The following MEF2D variants were observed in gnomAD, a reference collection of about 807,000 sequenced individuals.
MEF2D encodes myocyte enhancer factor 2D.
A neutral mutation model predicts 59.3 loss-of-function variants in MEF2D; 10 were observed. That is an observed-to-expected ratio of 0.17 (90% CI 0.10 to 0.29). The LOEUF is 0.29. Among genes scored for constraint, MEF2D ranks in the 10% least tolerant of loss-of-function variants. The pLI is 1.00. For synonymous variants in MEF2D, 305 were observed against 295.0 expected (o/e 1.03, Z -0.35); for missense variants, 508 against 699.4 (o/e 0.73, Z 3.09).
At chr1:156,470,427 A>AG (rs1394506969) in intron 9 of MEF2D, among the ~76,000 whole-genome samples, 1 of 151,860 alleles carries the variant, frequency 6.6e-6, no homozygotes, top group African/African-American at 2.4e-5. Context: ...TCAAAAAAAA[A>AG]AAAAAGAAAG....
At chr1:156,493,618 G>A (rs1351893687) in intron 1 of MEF2D, among the ~76,000 whole-genome samples, 2 of 152,198 alleles carry the variant, frequency 1.3e-5, no homozygotes, top group Non-Finnish European at 2.9e-5. Flanking sequence ...GCAGATACAT[G>A]TCGCCAAATC....
chr1:156,479,846 T>C (rs1179665838), intron 4 of MEF2D, 50 bp from the exon 5 acceptor site: 1 of 1,516,086 alleles, frequency 6.6e-7, no homozygotes, highest in Admixed American at 2.1e-5. Context: ...ACCCCTTCCA[T>C]GGAGTCCACT....
rs925855275 is a variant in MEF2D at position 156,466,302 on chromosome 1, A to AC, written c.*1342_*1343insG. On this transcript the variant is annotated 3_prime_UTR_variant, in exon 12 of 12. Transcript: ENST00000348159. Reference sequence around the variant, plus strand: ...ATTTCATATCAATACAACAACAACAAAAAAAAACAGTTTCCTGGACTGTTA... The same window carrying AC: ...ATTTCATATCAATACAACAACAACAACAAAAAAACAGTTTCCTGGACTGTTA... 15 of 152,494 alleles carry AC rather than the reference A, an allele frequency of 9.8e-5. No homozygotes were observed. The highest frequency in any genetic ancestry group is 3.1e-4 in the African/African-American group (13 of 41,282). 9.4% of individuals were successfully genotyped at this position (152,494 alleles called of 1,614,324 possible).
At chr1:156,479,971 A>G (rs1671885837) in intron 4 of MEF2D, among the ~76,000 whole-genome samples, 175 bp from the exon 5 acceptor site, 1 of 152,098 alleles carries the variant, frequency 6.6e-6, no homozygotes, top group African/African-American at 2.4e-5. Flanking sequence ...AGTCCCACCA[A>G]GGAAGAACTT....
intron 9 of MEF2D, among the ~76,000 whole-genome samples, chr1:156,472,526 A>AG (rs1410203086): frequency 6.6e-6 from 1 of 152,178 alleles, no homozygotes; most frequent in Non-Finnish European, 1.5e-5. Flanking sequence ...TCCTACACAG[A>AG]GGGCTGGGTT....
At chr1:156,478,567 G>C (rs1671772963) in intron 6 of MEF2D, among the ~76,000 whole-genome samples, 1 of 152,122 alleles carries the variant, frequency 6.6e-6, no homozygotes, top group Admixed American at 6.5e-5. Flanking sequence ...TTTCGCTCCT[G>C]TTGCCCGGGC....
chr1:156,482,905 G>A (rs1465608929), intron 2 of MEF2D, among the ~76,000 whole-genome samples: 1 of 152,234 alleles, frequency 6.6e-6, no homozygotes, highest in Admixed American at 6.5e-5. Context: ...TGTGCTGGAG[G>A]CTATGAAGAG....
intron 1 of MEF2D, among the ~76,000 whole-genome samples, chr1:156,487,272 C>T (rs1469824534): frequency 6.6e-6 from 1 of 152,206 alleles, no homozygotes; most frequent in Admixed American, 6.5e-5. Context: ...CATCGTCTGA[C>T]AGAGAGAAGT....
intron 1 of MEF2D, among the ~76,000 whole-genome samples, chr1:156,485,394 G>T (rs1672287711): frequency 6.6e-6 from 1 of 152,166 alleles, no homozygotes; most frequent in African/African-American, 2.4e-5. Flanking sequence ...CTGGGATACT[G>T]GCCCCATCCC....
intron 5 of MEF2D, 84 bp downstream of exon 5, chr1:156,479,502 A>T: frequency 6.6e-7 from 1 of 1,515,886 alleles, no homozygotes; most frequent in Non-Finnish European, 8.9e-7. Flanking sequence ...GGGTGAAGAG[A>T]AATACTTGCT....
Position 156,467,487 on chromosome 1 carries a change from AATAAT to A in MEF2D, c.*153_*157del, listed in dbSNP as rs1670922279. ...TTAAAAAAAATATAATAATAATAATAATAATATAATAATTATACACAAATGTAACC... is the reference window on the plus strand; with the variant it reads ...TTAAAAAAAATATAATAATAATAATAATAATAATTATACACAAATGTAACC... On this transcript the variant is annotated 3_prime_UTR_variant, in exon 12 of 12. Coordinates refer to ENST00000348159, the MANE Select transcript of MEF2D (RefSeq NM_005920.4). 1.1e-5 allele frequency: 4 copies of A among 354,032 alleles called. No homozygotes were observed. The highest frequency in any genetic ancestry group is 4.8e-5 in the Admixed American group (1 of 20,800). The allele number at this position is 354,032 out of a possible 1,614,324, so 21.9% of individuals were successfully genotyped here.
chr1:156,497,637 A>ATCT (rs1405632800), intron 1 of MEF2D, among the ~76,000 whole-genome samples: 1 of 152,240 alleles, frequency 6.6e-6, no homozygotes, highest in South Asian at 2.1e-4. Context: ...GGGGCAAAGA[A>ATCT]GCAGGGGGCC....
chr1:156,464,417 G>A lies in MEF2D; in HGVS notation c.*3228C>T, dbSNP rs576199828. 1.3e-5 allele frequency: 2 copies of A among 149,814 alleles called. No homozygotes were observed. Among genetic ancestry groups the A allele is most frequent in the East Asian group, 2.0e-4 (1 of 5,030 alleles). 9.3% of individuals were successfully genotyped at this position (149,814 alleles called of 1,614,324 possible). A position where few individuals can be genotyped will look rare whatever the true frequency, so the allele number is the denominator to read the frequency against. The stretch of plus-strand genomic sequence containing the variant: ...TTGCTGCACTGAGTGTGCTGTTGAG[G>A]GGGGGAGAATGGTGTGTTCCACTGA... On this transcript the variant is annotated 3_prime_UTR_variant, in exon 12 of 12. Coordinates refer to ENST00000348159, the MANE Select transcript of MEF2D (RefSeq NM_005920.4).
intron 9 of MEF2D, among the ~76,000 whole-genome samples, chr1:156,469,601 A>AC (rs1671096141): frequency 8.9e-6 from 1 of 112,042 alleles, no homozygotes; most frequent in Admixed American, 9.6e-5. Context: ...AAAAAAAAAA[A>AC]AAAAACAGCT....
At chr1:156,500,084 G>A (rs1261987924) in intron 1 of MEF2D, among the ~76,000 whole-genome samples, 1 of 152,114 alleles carries the variant, frequency 6.6e-6, no homozygotes, top group African/African-American at 2.4e-5. Flanking sequence ...GGGAGGGAGG[G>A]CCGGCTGTTA....
At chr1:156,496,454 G>A (rs1673137198) in intron 1 of MEF2D, among the ~76,000 whole-genome samples, 1 of 152,136 alleles carries the variant, frequency 6.6e-6, no homozygotes, top group South Asian at 2.1e-4. Flanking sequence ...CGTGGGGGAG[G>A]GGTAAGGGGC....
At chr1:156,475,634 G>C (rs1237798844) in intron 8 of MEF2D, among the ~76,000 whole-genome samples, 1 of 152,230 alleles carries the variant, frequency 6.6e-6, no homozygotes, top group Non-Finnish European at 1.5e-5. Context: ...TGGCATCTGC[G>C]AGGGGAATGT....
Position 156,478,426 on chromosome 1 carries a change from C to T in MEF2D, c.664+864G>A, listed in dbSNP as rs60354479. The stretch of plus-strand genomic sequence containing the variant: ...GGGAATGGCAGGAATGTCAGGGTGA[C>T]GTCAATCGTGACATTCGAAGTCACA... On this transcript the variant is annotated intron_variant, in intron 6 of 11. Transcript: ENST00000348159. Among the ~76,000 whole-genome samples, 1,313 of 152,214 alleles carry T rather than the reference C, an allele frequency of 8.6e-3. 19 individuals carry two copies. Among genetic ancestry groups the T allele is most frequent in the African/African-American group, 0.029 (1,197 of 41,538 alleles).
chr1:156,471,087 G>C (rs755068450), intron 9 of MEF2D, among the ~76,000 whole-genome samples: 1 of 152,042 alleles, frequency 6.6e-6, no homozygotes, highest in African/African-American at 2.4e-5. Context: ...ACAGAGTCTC[G>C]CTCTGTTGCC....
Sources: allele counts gnomAD v4.1 joint callset (sites outside exome capture counted in the v4.1 genomes callset), GRCh38; gene constraint gnomAD v4.1.1; transcripts MANE v1.5; gene names NCBI Gene and HGNC (gene_info 2026-07-23, HGNC 2026-07-21).